TGIF1: variants seen among roughly 807,000 people sequenced by gnomAD.
TGIF1 encodes homeobox protein TGIF1.
A neutral mutation model predicts 19.3 loss-of-function variants in TGIF1; 4 were observed. The observed-to-expected ratio is 0.21, with a 90% CI of 0.10 to 0.47. TGIF1 has a LOEUF of 0.47. TGIF1 is among the 20% of genes least tolerant of loss of function. TGIF1 has a pLI of 0.98. For missense variants in TGIF1, 275 were observed against 341.4 expected, an observed-to-expected ratio of 0.81 and a Z score of 1.53; for synonymous variants, 122 against 129.3, an observed-to-expected ratio of 0.94 and a Z score of 0.38.
chr18:3,447,053 T>C (rs1568042370), upstream of TGIF1, among the ~76,000 whole-genome samples: 2 of 152,348 alleles, frequency 1.3e-5, no homozygotes, highest in South Asian at 4.1e-4. Context: ...TATCTGCCTT[T>C]CCAAGTTTCT....
chr18:3,447,582 A>G, upstream of TGIF1: 1 of 829,858 alleles, frequency 1.2e-6, no homozygotes, highest in South Asian at 1.4e-5. Flanking sequence ...TGCACCAAGA[A>G]TCCGAAACTC....
At chr18:3,453,660 T>G (rs2143371163) in intron 1 of TGIF1, 1 of 336,118 alleles carries the variant, frequency 3.0e-6, no homozygotes, top group East Asian at 1.9e-4. Flanking sequence ...CACTCCAGCC[T>G]GGGTGACAAG....
In TGIF1 at chr18:3,427,556, G is replaced by A. The variant is rs563102603; in HGVS notation, c.-45+9341G>A. On this transcript the variant is annotated intron_variant, in intron 2 of 3. Transcript: ENST00000401449. ...TCCGCCTGCCTCAGCCTCCCAGAGT[G>A]CTAGGATTACAGGCGTGAGCCACTG... is the stretch of plus-strand genomic sequence containing the variant. 5.3e-5 allele frequency among the ~76,000 whole-genome samples: 8 copies of A among 151,560 alleles called. No homozygotes were observed. In the East Asian group the frequency reaches 1.6e-3, roughly 29 times the overall value.
intron 1 of TGIF1, chr18:3,455,758 TAGC>T (rs1424867052): frequency 1.2e-5 from 2 of 160,314 alleles, no homozygotes; most frequent in East Asian, 1.8e-4. Context: ...TGCATGGTGT[TAGC>T]AGAAAATTTT....
At chr18:3,415,398 A>T (rs1169899767) in intron 1 of TGIF1, 1 of 479,978 alleles carries the variant, frequency 2.1e-6, no homozygotes, top group Non-Finnish European at 4.2e-6. Context: ...AGTCAGGGAC[A>T]TTGGAAGCTG....
chr18:3,450,610 GCT>G (rs1177240016), intron 1 of TGIF1, 105 bp downstream of exon 1: 2 of 1,543,522 alleles, frequency 1.3e-6, no homozygotes, highest in Non-Finnish European at 1.7e-6. Context: ...CCGCCCAGGG[GCT>G]CTCATGCTGG....
rs550284650 is a variant in TGIF1, at chr18:3,423,560, G to A, written c.-45+5345G>A. Among the ~76,000 whole-genome samples the A allele has an allele frequency of 3.4e-4, 51 of 152,134 alleles. No homozygotes were observed. The East Asian group carries it at 4.6e-3, about 14-fold the overall frequency. ...GCCGGGCTTGGTGTCGGGCGCCTGT[G>A]ATCCCAGCTACTCAGGAGCTACTGA... On this transcript the variant is annotated intron_variant, in intron 2 of 3. Transcript: ENST00000401449.
chr18:3,444,506 G>A (rs911500685), intron 2 of TGIF1, among the ~76,000 whole-genome samples: 1 of 151,878 alleles, frequency 6.6e-6, no homozygotes, highest in Non-Finnish European at 1.5e-5. Flanking sequence ...CTTTGTGTTC[G>A]TAAGTTCTTA....
rs2049456071 is a variant in TGIF1 at position 3,459,396 on chromosome 18, GAA to G, written c.*1459_*1460del. ...TGCTGATGATTACCAAGAGGCGTAAGAAAATTAGGTGAGGGAATGTTGTGCTC... is the reference window on the plus strand; with the variant it reads ...TGCTGATGATTACCAAGAGGCGTAAGAATTAGGTGAGGGAATGTTGTGCTC... On this transcript the variant is annotated 3_prime_UTR_variant, in exon 3 of 3. Coordinates refer to ENST00000343820, the MANE Select transcript of TGIF1 (RefSeq NM_003244.4). The G allele has an allele frequency of 6.6e-6, 1 of 152,200 alleles. No homozygotes were observed. The highest frequency in any genetic ancestry group is 1.5e-5 in the Non-Finnish European group (1 of 68,034). The allele number at this position is 152,200 out of a possible 1,614,324, so 9.4% of individuals were successfully genotyped here.
chr18:3,444,286 CTT>C (rs57205118), intron 2 of TGIF1, among the ~76,000 whole-genome samples: 3,954 of 122,172 alleles, frequency 0.032, 142 homozygotes, highest in African/African-American at 0.14. Context: ...ACTTTCTTTT[CTT>C]TTTTTTTTTT....
At chr18:3,416,619 A>G (rs1404857094) in intron 1 of TGIF1, among the ~76,000 whole-genome samples, 1 of 151,710 alleles carries the variant, frequency 6.6e-6, no homozygotes, top group Non-Finnish European at 1.5e-5. Flanking sequence ...TCATGTTTGT[A>G]ATTTTTAAGA....
In TGIF1 at chr18:3,458,812, CCCTTTAAAATAA is replaced by C; in HGVS notation, c.*878_*889del. 6.6e-6 allele frequency: 1 copy of C among 152,178 alleles called. No homozygotes were observed. The highest frequency in any genetic ancestry group is 1.9e-4 in the East Asian group (1 of 5,200). The allele number at this position is 152,178 out of a possible 1,614,324, so 9.4% of individuals were successfully genotyped here. A position where few individuals can be genotyped will look rare whatever the true frequency, so the allele number is the denominator to read the frequency against. ...AATCTCTTGCCCTTTTTCCACGTTA[CCCTTTAAAATAA>C]CCTTTGTTCAGTGGTACATTTAGTT... On this transcript the variant is annotated 3_prime_UTR_variant, in exon 3 of 3. Transcript: ENST00000343820.
chr18:3,423,446 A>T (rs57425360), intron 2 of TGIF1, among the ~76,000 whole-genome samples: 1 of 151,908 alleles, frequency 6.6e-6, no homozygotes, highest in South Asian at 2.1e-4. Flanking sequence ...TTGGGAGGCC[A>T]GGGCGGGCAG....
chr18:3,449,634 G>A (rs1288105010), upstream of TGIF1: 3 of 981,840 alleles, frequency 3.1e-6, no homozygotes, highest in Non-Finnish European at 3.6e-6. Context: ...GCGTGTCAAT[G>A]GCAGCCGCGC....
At chr18:3,449,523 G>A (rs2082830086), upstream of TGIF1, 1 of 985,482 alleles carries the variant, frequency 1.0e-6, no homozygotes, top group Non-Finnish European at 1.2e-6. Flanking sequence ...GTTCGTTTAG[G>A]CTGTGTCTCA....
At chr18:3,418,908 A>C (rs975215021) in intron 2 of TGIF1, 1 of 152,166 alleles carries the variant, frequency 6.6e-6, no homozygotes, top group Non-Finnish European at 1.5e-5. Context: ...AAATACAACA[A>C]TTAGATGGGC....
Position 3,420,210 on chromosome 18 carries a change from A to G in TGIF1, c.-45+1995A>G, listed in dbSNP as rs1374514429. The stretch of plus-strand genomic sequence containing the variant: ...ATCCTGGCCAACATGATGAAACCCT[A>G]TCTCTACTAAACATACAAAAATTAG... On this transcript the variant is annotated intron_variant, in intron 2 of 3. Transcript: ENST00000401449. 2.0e-4 allele frequency among the ~76,000 whole-genome samples: 30 copies of G among 151,720 alleles called. 1 individual carries two copies. Among genetic ancestry groups the G allele is most frequent in the Admixed American group, 2.0e-3 (30 of 15,208 alleles).
At chr18:3,438,682 A>G (rs9945980) in intron 2 of TGIF1, among the ~76,000 whole-genome samples, 4,128 of 151,876 alleles carry the variant, frequency 0.027, 169 homozygotes, top group African/African-American at 0.091. Context: ...TGTCTAGTCA[A>G]TAAAGTAAAA....
intron 2 of TGIF1, among the ~76,000 whole-genome samples, chr18:3,428,933 G>A (rs1251581106): frequency 6.6e-6 from 1 of 151,906 alleles, no homozygotes; most frequent in Non-Finnish European, 1.5e-5. Context: ...TGCCCCTGTA[G>A]TCCCAGCTAC....
Sources: gnomAD v4.1 joint callset for allele counts (sites outside exome capture counted in the v4.1 genomes callset) on GRCh38, gnomAD v4.1.1 for gene constraint, MANE v1.5 for transcripts, NCBI Gene and HGNC (gene_info 2026-07-23, HGNC 2026-07-21) for gene names.